The following PARD3B variants were observed in gnomAD, a reference collection of about 807,000 sequenced individuals.
PARD3B encodes par-3 family cell polarity regulator beta.
A neutral mutation model predicts 130.2 loss-of-function variants in PARD3B; 103 were observed. The observed-to-expected ratio is 0.79, with a 90% confidence interval of 0.67 to 0.93. The LOEUF is 0.93. PARD3B is among the 40% of genes least tolerant of loss of function. PARD3B has a pLI of 0.00. For synonymous variants in PARD3B, 583 were observed against 553.2 expected (o/e 1.05, Z -0.76); for missense variants, 1,609 against 1,499.2 (o/e 1.07, Z -1.21).
chr2:204,683,267 G>A (rs756863060), intron 1 of PARD3B, among the ~76,000 whole-genome samples: 3 of 152,146 alleles, frequency 2.0e-5, no homozygotes, highest in Admixed American at 6.6e-5. Flanking sequence ...TAAAAGCTAT[G>A]TGTACCACAG....
intron 4 of PARD3B, among the ~76,000 whole-genome samples, chr2:205,096,921 G>T (rs1702436238): frequency 6.6e-6 from 1 of 152,062 alleles, no homozygotes; most frequent in East Asian, 1.9e-4. Context: ...TCATAATATG[G>T]TATCTTTTCC....
intron 2 of PARD3B, among the ~76,000 whole-genome samples, chr2:204,774,004 A>G (rs2041505211): frequency 6.6e-6 from 1 of 151,826 alleles, no homozygotes; most frequent in African/African-American, 2.4e-5. Context: ...TGGCCATATT[A>G]GCTTCAGTGC....
chr2:204,866,418 G>A (rs73982587), intron 2 of PARD3B, among the ~76,000 whole-genome samples: 3,194 of 151,846 alleles, frequency 0.021, 112 homozygotes, highest in African/African-American at 0.073. Flanking sequence ...CTTCTCTCCC[G>A]TTTCTTAAAT....
intron 18 of PARD3B, among the ~76,000 whole-genome samples, chr2:205,311,873 T>G (rs543199612): frequency 3.3e-5 from 5 of 152,340 alleles, no homozygotes; most frequent in African/African-American, 1.2e-4. Flanking sequence ...GTTTTGCTTT[T>G]CTTTCTTTCT....
chr2:205,113,337 A>G (rs1355482566), intron 5 of PARD3B, among the ~76,000 whole-genome samples, 154 bp from the exon 6 acceptor site: 1 of 152,052 alleles, frequency 6.6e-6, no homozygotes. Flanking sequence ...ACATACCAAT[A>G]AATTATGTAC....
intron 1 of PARD3B, among the ~76,000 whole-genome samples, chr2:204,563,224 T>TCTCTCTCC (rs2031446275): frequency 8.9e-5 from 9 of 101,282 alleles, no homozygotes; most frequent in Admixed American, 7.4e-4. Flanking sequence ...GCTGTCTCTC[T>TCTCTCTCC]CTCTCTCTCT....
chr2:205,028,979 A>G (rs1575588140), intron 3 of PARD3B, among the ~76,000 whole-genome samples: 1 of 152,250 alleles, frequency 6.6e-6, no homozygotes. Flanking sequence ...AATCTGGTAG[A>G]TCTTGGTTAG....
At chr2:205,185,720 T>G in intron 13 of PARD3B, 44 bp from the exon 14 acceptor site, 3 of 1,549,276 alleles carry the variant, frequency 1.9e-6, no homozygotes, top group Non-Finnish European at 1.8e-6. Flanking sequence ...CATCGAATGG[T>G]TCTGCTTCCA....
At chr2:204,671,360 G>A (rs913393789) in intron 1 of PARD3B, among the ~76,000 whole-genome samples, 1 of 152,090 alleles carries the variant, frequency 6.6e-6, no homozygotes. Context: ...ATGGTGGGGG[G>A]CACCTACCTA....
At chr2:205,074,171 C>G (rs1700901670) in intron 4 of PARD3B, among the ~76,000 whole-genome samples, 1 of 152,054 alleles carries the variant, frequency 6.6e-6, no homozygotes, top group Admixed American at 6.6e-5. Flanking sequence ...ATATTTGTGT[C>G]AAAATGCTTG....
intron 2 of PARD3B, among the ~76,000 whole-genome samples, chr2:204,692,877 CTCA>C (rs948502900): frequency 2.0e-5 from 3 of 152,022 alleles, no homozygotes; most frequent in Admixed American, 2.0e-4. Context: ...GTGGATTAAA[CTCA>C]TCATCTTTCA....
rs2053711349 is a variant in PARD3B, at chr2:205,575,173, CAT to C, written c.3260+21777_3260+21778del. 2.0e-5 allele frequency among the ~76,000 whole-genome samples: 3 copies of C among 151,688 alleles called. No individual in the cohort carries two copies. The highest frequency in any genetic ancestry group is 6.6e-5 in the Admixed American group (1 of 15,176). ...AAGGTATATATATATTATACACACA[CAT>C]ATATATCATATATATACAATATAGA... is the stretch of plus-strand genomic sequence containing the variant. On this transcript the variant is annotated intron_variant, in intron 22 of 22. Transcript: ENST00000406610. The surrounding 1 kb of genome is among the most constrained non-coding windows in gnomAD (Gnocchi z 4.6).
At chr2:204,873,734 C>T (rs1559217747) in intron 2 of PARD3B, among the ~76,000 whole-genome samples, 1 of 152,136 alleles carries the variant, frequency 6.6e-6, no homozygotes, top group Non-Finnish European at 1.5e-5. Flanking sequence ...GCAGAAGTTA[C>T]ACCTGAGTCC....
intron 2 of PARD3B, among the ~76,000 whole-genome samples, chr2:204,754,594 G>T (rs546935802): frequency 3.3e-5 from 5 of 152,148 alleles, no homozygotes; most frequent in Non-Finnish European, 7.4e-5. Context: ...GTTATCTATT[G>T]TTATTACATT....
intron 22 of PARD3B, among the ~76,000 whole-genome samples, chr2:205,596,253 G>A (rs2106613038): frequency 6.6e-6 from 1 of 152,296 alleles, no homozygotes; most frequent in East Asian, 1.9e-4. Context: ...CAATACCTAA[G>A]AACCTGTTAA....
chr2:204,856,092 A>G (rs974383521), intron 2 of PARD3B, among the ~76,000 whole-genome samples: 9 of 152,258 alleles, frequency 5.9e-5, no homozygotes, highest in Non-Finnish European at 7.4e-5. Context: ...GGATCATATG[A>G]TAATTTTTAT....
At chr2:204,996,545 C>G (rs1694197423) in intron 3 of PARD3B, among the ~76,000 whole-genome samples, 1 of 151,662 alleles carries the variant, frequency 6.6e-6, no homozygotes, top group Non-Finnish European at 1.5e-5. Context: ...TTTGTCTGTG[C>G]CCTGCCCCCA....
At chr2:205,305,772 T>C (rs1478988158) in intron 18 of PARD3B, among the ~76,000 whole-genome samples, 1 of 152,174 alleles carries the variant, frequency 6.6e-6, no homozygotes, top group Non-Finnish European at 1.5e-5. Flanking sequence ...AATAGAATTA[T>C]CATTTTTATG....
chr2:205,612,596 C>A (rs1351088907), intron 22 of PARD3B, among the ~76,000 whole-genome samples: 1 of 152,158 alleles, frequency 6.6e-6, no homozygotes, highest in Non-Finnish European at 1.5e-5. Context: ...AAGAAAAATT[C>A]TTCTAGCACT....
Sources: gnomAD v4.1 joint callset for allele counts (sites outside exome capture counted in the v4.1 genomes callset) on GRCh38, gnomAD v4.1.1 for gene constraint, Gnocchi (gnomAD v3.1) non-coding constraint, MANE v1.5 for transcripts, NCBI Gene and HGNC (gene_info 2026-07-23, HGNC 2026-07-21) for gene names.